The following USP30 variants were observed in gnomAD, a reference collection of about 807,000 sequenced individuals.
USP30 encodes ubiquitin specific peptidase 30, also known as ubiquitin carboxyl-terminal hydrolase 30.
Under a neutral mutation model 68.2 loss-of-function variants are expected in USP30, and 41 were observed. The ratio of observed to expected loss-of-function variants is 0.60; its 90% CI spans 0.47 to 0.78. The LOEUF is 0.78. Among genes scored for constraint, USP30 ranks in the 30% least tolerant of loss-of-function variants. The pLI is 0.00. For missense variants in USP30, 522 were observed against 649.4 expected, an observed-to-expected ratio of 0.80 and a Z score of 2.13; for synonymous variants, 229 against 253.7, an observed-to-expected ratio of 0.90 and a Z score of 0.93.
upstream of USP30, among the ~76,000 whole-genome samples, chr12:109,048,499 G>A (rs2135682351): frequency 6.6e-6 from 1 of 152,184 alleles, no homozygotes; most frequent in Non-Finnish European, 1.5e-5. Context: ...TGTGGGCAGT[G>A]GTGATTCCGT....
chr12:109,069,612 A>G (rs2041367406), intron 4 of USP30, among the ~76,000 whole-genome samples: 2 of 152,238 alleles, frequency 1.3e-5, no homozygotes, highest in East Asian at 1.9e-4. Context: ...AGCAGCAGAC[A>G]TGACTTGCAG....
intron 3 of USP30, among the ~76,000 whole-genome samples, chr12:109,041,896 G>A (rs2040567954): frequency 6.6e-6 from 1 of 152,000 alleles, no homozygotes; most frequent in African/African-American, 2.4e-5. Context: ...GAATTACAAA[G>A]ATTGTGACAA....
chr12:109,024,564 A>G (rs949297016), intron 1 of USP30, among the ~76,000 whole-genome samples: 5 of 150,048 alleles, frequency 3.3e-5, no homozygotes, highest in Admixed American at 6.6e-5. Flanking sequence ...GGCCACAATG[A>G]TTAATTTTAA....
chr12:109,084,313 T>C (rs2041887143), intron 11 of USP30, among the ~76,000 whole-genome samples: 1 of 152,176 alleles, frequency 6.6e-6, no homozygotes, highest in Non-Finnish European at 1.5e-5. Flanking sequence ...GACATGTAAA[T>C]ATGGCCTTAA....
intron 8 of USP30, chr12:109,081,728 A>T: frequency 1.6e-6 from 1 of 620,094 alleles, no homozygotes; most frequent in Non-Finnish European, 2.8e-6. Flanking sequence ...GTGCAGTTAC[A>T]TCCTCATGCT....
At chr12:109,050,439 C>T (rs1268977307), upstream of USP30, among the ~76,000 whole-genome samples, 11 of 152,032 alleles carry the variant, frequency 7.2e-5, no homozygotes, top group African/African-American at 2.2e-4. Context: ...CAAAGAGATC[C>T]GGAGAACAAA....
Position 109,037,689 on chromosome 12 carries a change from A to G in USP30, c.-135-9901A>G, listed in dbSNP as rs1377670742. On this transcript the variant is annotated intron_variant, in intron 3 of 15. Coordinates refer to the USP30 transcript ENST00000392784. ...TGAAAACTCAGATAGCTTAGTGGTCAGCTAATAATTGGATAGAGATTTCCT... is the reference window on the plus strand; with the variant it reads ...TGAAAACTCAGATAGCTTAGTGGTCGGCTAATAATTGGATAGAGATTTCCT... 2.6e-5 allele frequency among the ~76,000 whole-genome samples: 4 copies of G among 152,238 alleles called. No homozygotes were observed. In the South Asian group the frequency reaches 8.3e-4, roughly 32 times the overall value.
intron 3 of USP30, among the ~76,000 whole-genome samples, chr12:109,065,295 G>T (rs948483662): frequency 3.9e-5 from 6 of 152,188 alleles, no homozygotes; most frequent in African/African-American, 9.7e-5. Context: ...AAGATCAGGA[G>T]TCTGCACCTG....
At chr12:109,046,840 G>C (rs1223130139) in intron 3 of USP30, among the ~76,000 whole-genome samples, 1 of 152,158 alleles carries the variant, frequency 6.6e-6, no homozygotes, top group African/African-American at 2.4e-5. Flanking sequence ...AGGATTACAG[G>C]TGTGCGCCAT....
chr12:109,056,819 C>G, intron 2 of USP30, 28 bp downstream of exon 2: 2 of 1,522,856 alleles, frequency 1.3e-6, no homozygotes, highest in Non-Finnish European at 1.8e-6. Flanking sequence ...GCATCATGGT[C>G]TGTAGACTTG....
rs78864002 is a variant in USP30, at chr12:109,083,860, C to T, written c.1168+798C>T. ...TTTTTATGACCACAGTTGCATGGCC[C>T]GACACCTCATCATGTCAGGGAGATT... On this transcript the variant is annotated intron_variant, in intron 11 of 12. Transcript: ENST00000257548. Among the ~76,000 whole-genome samples the T allele has an allele frequency of 5.2e-3, 791 of 152,200 alleles. 11 individuals are homozygous for T. The highest frequency in any genetic ancestry group is 0.018 in the African/African-American group (732 of 41,518).
chr12:109,075,378 T>G (rs1377141468), intron 7 of USP30, among the ~76,000 whole-genome samples: 1 of 152,100 alleles, frequency 6.6e-6, no homozygotes, highest in Non-Finnish European at 1.5e-5. Context: ...AGACAGAGTC[T>G]CGCTCTGCTG....
intron 3 of USP30, 91 bp from the exon 4 acceptor site, chr12:109,067,433 T>C: frequency 8.3e-7 from 1 of 1,206,442 alleles, no homozygotes. Context: ...CTTTAATTTT[T>C]AATTAACTTT....
At chr12:109,042,391 C>T (rs1436841938) in intron 3 of USP30, among the ~76,000 whole-genome samples, 1 of 152,158 alleles carries the variant, frequency 6.6e-6, no homozygotes, top group Non-Finnish European at 1.5e-5. Flanking sequence ...CTCCCAGTTA[C>T]TTATTTATCC....
chr12:109,029,763 A>T (rs978183350), intron 3 of USP30, among the ~76,000 whole-genome samples: 3 of 152,086 alleles, frequency 2.0e-5, no homozygotes, highest in African/African-American at 4.8e-5. Context: ...CGGTGCTCCT[A>T]CTCTGTCAGA....
chr12:109,031,840 G>A (rs893720097), intron 3 of USP30, among the ~76,000 whole-genome samples: 16 of 152,162 alleles, frequency 1.1e-4, no homozygotes, highest in Middle Eastern at 3.4e-3. Context: ...GTGATTACTC[G>A]GGCTTGTAAT....
upstream of USP30, chr12:109,052,508 G>C (rs2040691230): frequency 8.0e-6 from 4 of 499,614 alleles, no homozygotes; most frequent in Non-Finnish European, 1.3e-5. Context: ...ATTGCTCTCC[G>C]GGGGCAGCTA....
chr12:109,040,896 G>C (rs778785108), intron 3 of USP30, among the ~76,000 whole-genome samples: 12 of 152,216 alleles, frequency 7.9e-5, no homozygotes, highest in Non-Finnish European at 1.6e-4. Context: ...TTCAGAACAT[G>C]GGGGATCATT....
rs1489692624 is a variant in USP30, at chr12:109,070,858, G to A, written c.481-754G>A. Among the ~76,000 whole-genome samples the A allele has an allele frequency of 1.3e-5, 2 of 152,176 alleles. No individual in the cohort carries two copies. Among genetic ancestry groups the A allele is most frequent in the South Asian group, 2.1e-4 (1 of 4,832 alleles). ...TACTCAGGTTAATAGCAGCATGTTC[G>A]CAATAGCCAAGGGGTAGAAGCAACC... On this transcript the variant is annotated intron_variant, in intron 4 of 12. Transcript: ENST00000257548. This position sits in a 1 kb window ranked among gnomAD's most constrained non-coding sequence, Gnocchi z 4.0.
Sources: allele counts gnomAD v4.1 joint callset (sites outside exome capture counted in the v4.1 genomes callset), GRCh38; gene constraint gnomAD v4.1.1; non-coding constraint Gnocchi (gnomAD v3.1); transcripts MANE v1.5; gene names NCBI Gene and HGNC (gene_info 2026-07-23, HGNC 2026-07-21).